Variants in FGGY observed in about 807,000 individuals in gnomAD.
The protein encoded by FGGY is FGGY carbohydrate kinase domain-containing protein.
Under a neutral mutation model 71.3 loss-of-function variants are expected in FGGY, and 72 were observed. The ratio of observed to expected loss-of-function variants is 1.01; its 90% CI spans 0.84 to 1.23. The LOEUF is 1.23. Among genes scored for constraint, FGGY ranks in the 50% most tolerant of loss-of-function variants. The pLI, the probability that FGGY is intolerant of heterozygous loss-of-function variation, is 0.00. For synonymous variants in FGGY, 251 were observed against 250.3 expected, an observed-to-expected ratio of 1.00 and a Z score of -0.02; for missense variants, 668 against 682.3, an observed-to-expected ratio of 0.98 and a Z score of 0.23.
chr1:59,651,785 T>G (rs1218349991), intron 11 of FGGY, among the ~76,000 whole-genome samples: 1 of 151,024 alleles, frequency 6.6e-6, no homozygotes, highest in African/African-American at 2.4e-5. Flanking sequence ...GTGAATTTGA[T>G]CCTGTCATTA....
chr1:59,404,168 T>C (rs931281124), intron 5 of FGGY, among the ~76,000 whole-genome samples: 2 of 152,132 alleles, frequency 1.3e-5, no homozygotes, highest in African/African-American at 4.8e-5. Context: ...TAAAAAAATA[T>C]ACCTTTGGGA....
intron 13 of FGGY, among the ~76,000 whole-genome samples, chr1:59,673,099 G>A (rs761149785): frequency 5.3e-5 from 8 of 152,134 alleles, no homozygotes; most frequent in South Asian, 2.1e-4. Flanking sequence ...CAGGGATTCC[G>A]CAGTAGTCAA....
At chr1:59,543,360 G>A (rs932285318) in intron 7 of FGGY, among the ~76,000 whole-genome samples, 3 of 152,060 alleles carry the variant, frequency 2.0e-5, no homozygotes, top group African/African-American at 7.3e-5. Context: ...GGTGGCAGGC[G>A]AGGGATAGAA....
chr1:59,575,181 A>AC (rs2096058034), intron 8 of FGGY, among the ~76,000 whole-genome samples: 1 of 152,168 alleles, frequency 6.6e-6, no homozygotes, highest in South Asian at 2.1e-4. Flanking sequence ...AACTATAGTC[A>AC]CCATGCTGTG....
At chr1:59,387,340 A>G (rs1470371395) in intron 5 of FGGY, among the ~76,000 whole-genome samples, 2 of 152,100 alleles carry the variant, frequency 1.3e-5, no homozygotes, top group Non-Finnish European at 2.9e-5. Context: ...TCTGTATAGT[A>G]TCCTATCCTA....
chr1:59,374,989 G>T (rs973897451), intron 4 of FGGY, among the ~76,000 whole-genome samples: 2 of 150,854 alleles, frequency 1.3e-5, no homozygotes, highest in Non-Finnish European at 3.0e-5. Context: ...TGGGTGCAGC[G>T]CACCAGCATG....
intron 14 of FGGY, chr1:59,755,251 C>G (rs1259448452): frequency 1.3e-5 from 2 of 152,190 alleles, no homozygotes; most frequent in Non-Finnish European, 2.9e-5. Context: ...GCCAAAACTT[C>G]CATTTTAACA....
intron 6 of FGGY, among the ~76,000 whole-genome samples, chr1:59,501,716 C>T (rs188269832): frequency 2.4e-4 from 36 of 152,278 alleles, no homozygotes; most frequent in African/African-American, 6.0e-4. Flanking sequence ...GAAGGCATGC[C>T]GTGGAGACAT....
Position 59,554,349 on chromosome 1 carries a change from G to C in FGGY, c.903+122G>C, listed in dbSNP as rs1425395968. On this transcript the variant is annotated intron_variant, in intron 8 of 15. Coordinates refer to ENST00000303721, the MANE Select transcript of FGGY (RefSeq NM_018291.5). ...CCTCTTTTCCCTGCCTGCCCCTTGT[G>C]CTTTGTCTAGCCAGAAGCCCAGCTC... The C allele has an allele frequency of 8.8e-6, 6 of 679,998 alleles. No homozygotes were observed. The African/African-American group carries it at 1.1e-4, about 12-fold the overall frequency. The allele number at this position is 679,998 out of a possible 1,614,324, so 42.1% of individuals were successfully genotyped here.
chr1:59,414,573 G>A (rs1000145944), intron 5 of FGGY, among the ~76,000 whole-genome samples: 10 of 152,154 alleles, frequency 6.6e-5, no homozygotes, highest in African/African-American at 1.9e-4. Flanking sequence ...TGGATCCTGC[G>A]TGAAACAGGT....
chr1:59,323,229 T>C (rs777130268), intron 2 of FGGY, among the ~76,000 whole-genome samples: 6 of 152,186 alleles, frequency 3.9e-5, no homozygotes, highest in Admixed American at 1.3e-4. Flanking sequence ...GAAGAAAATA[T>C]AATCCCCTGA....
intron 7 of FGGY, among the ~76,000 whole-genome samples, chr1:59,532,701 A>T (rs1159365751): frequency 2.0e-5 from 3 of 152,174 alleles, no homozygotes; most frequent in Non-Finnish European, 4.4e-5. Context: ...CATAATGCAA[A>T]TATCATACTT....
intron 5 of FGGY, among the ~76,000 whole-genome samples, chr1:59,416,023 T>C (rs1350942912): frequency 6.6e-6 from 1 of 152,242 alleles, no homozygotes; most frequent in Non-Finnish European, 1.5e-5. Flanking sequence ...CAGAGGAATC[T>C]GTTGTGTGGC....
intron 6 of FGGY, among the ~76,000 whole-genome samples, chr1:59,506,487 GA>G (rs1435082759): frequency 6.6e-6 from 1 of 152,128 alleles, no homozygotes; most frequent in African/African-American, 2.4e-5. Flanking sequence ...ATTTAAGGGG[GA>G]AAAACATCTT....
intron 8 of FGGY, among the ~76,000 whole-genome samples, chr1:59,558,718 AGGGT>A (rs1415689073): frequency 6.6e-6 from 1 of 152,142 alleles, no homozygotes; most frequent in Non-Finnish European, 1.5e-5. Flanking sequence ...CAAATTTACC[AGGGT>A]GGGTTTTTTC....
intron 7 of FGGY, among the ~76,000 whole-genome samples, chr1:59,537,837 A>C (rs947351672): frequency 2.0e-5 from 3 of 152,214 alleles, no homozygotes; most frequent in Non-Finnish European, 4.4e-5. Context: ...ACCTTATACA[A>C]AAATCAATTC....
chr1:59,468,765 G>C (rs1572549153), intron 6 of FGGY, among the ~76,000 whole-genome samples: 1 of 151,818 alleles, frequency 6.6e-6, no homozygotes, highest in East Asian at 1.9e-4. Context: ...CCAGCTACTT[G>C]GGAGGCTGAG....
chr1:59,325,729 C>A (rs1035874482), intron 2 of FGGY, among the ~76,000 whole-genome samples: 29 of 152,188 alleles, frequency 1.9e-4, no homozygotes, highest in African/African-American at 6.8e-4. Context: ...TCCAATCTAG[C>A]ATTCCTTATC....
At chr1:59,373,136 G>C (rs968916419) in intron 4 of FGGY, among the ~76,000 whole-genome samples, 1 of 152,050 alleles carries the variant, frequency 6.6e-6, no homozygotes, top group Non-Finnish European at 1.5e-5. Context: ...GTTTGCAGAC[G>C]ACATGATTGT....
Sources: gnomAD v4.1 joint callset for allele counts (sites outside exome capture counted in the v4.1 genomes callset) on GRCh38, gnomAD v4.1.1 for gene constraint, MANE v1.5 for transcripts, NCBI Gene and HGNC (gene_info 2026-07-23, HGNC 2026-07-21) for gene names.